Variants in DNAJC5 observed in about 807,000 individuals in gnomAD.
DNAJC5 encodes DnaJ heat shock protein family (Hsp40) member C5, also known as dnaJ homolog subfamily C member 5.
DNAJC5 carries 1 observed loss-of-function variant against 23.2 expected under a neutral mutation model. That is an observed-to-expected ratio of 0.04 (90% CI 0.02 to 0.20). DNAJC5 has a LOEUF of 0.20. Among genes scored for constraint, DNAJC5 ranks in the 10% least tolerant of loss-of-function variants. The probability of loss-of-function intolerance (pLI) is 1.00; values close to 1 mark genes in which losing one functional copy is unlikely to be tolerated. For synonymous variants in DNAJC5, 136 were observed against 120.0 expected (o/e 1.13, Z -0.87); for missense variants, 180 against 267.0 (o/e 0.67, Z 2.27).
rs369639703 is a variant in DNAJC5 at position 63,909,360 on chromosome 20, G to T, written c.-12+14037G>T. Among the ~76,000 whole-genome samples the T allele has an allele frequency of 2.6e-4, 40 of 152,216 alleles. 2 individuals carry two copies. In the South Asian group the frequency reaches 8.3e-3, roughly 32 times the overall value. On this transcript the variant is annotated intron_variant, in intron 1 of 4. Coordinates refer to ENST00000360864, the MANE Select transcript of DNAJC5 (RefSeq NM_025219.3). Reference sequence around the variant, plus strand: ...AAAAATAAAAAAAAAAAAATTAGCCGGGCGTGGTGGCGGGCGCCTGTAGTC... The same window carrying T: ...AAAAATAAAAAAAAAAAAATTAGCCTGGCGTGGTGGCGGGCGCCTGTAGTC...
At chr20:63,907,088 CTAAAA>C (rs915505091) in intron 1 of DNAJC5, among the ~76,000 whole-genome samples, 116 of 152,084 alleles carry the variant, frequency 7.6e-4, no homozygotes, top group African/African-American at 2.6e-3. Context: ...GACTCTGTCT[CTAAAA>C]TAAAATAAAA....
Position 63,926,914 on chromosome 20 carries a change from GTATT to G in DNAJC5, c.-11-1416_-11-1413del, listed in dbSNP as rs141867226. 7.5e-3 allele frequency among the ~76,000 whole-genome samples: 1,143 copies of G among 152,326 alleles called. 51 individuals are homozygous for G. In the East Asian group the frequency reaches 0.11, roughly 15 times the overall value. The stretch of plus-strand genomic sequence containing the variant: ...CATGAAATTAACCGTCATGTACACT[GTATT>G]TATTATTCAATTCAAAACATTTTCT... On this transcript the variant is annotated intron_variant, in intron 1 of 4. Coordinates refer to ENST00000360864, the MANE Select transcript of DNAJC5 (RefSeq NM_025219.3).
chr20:63,909,724 A>G (rs2053470622), intron 1 of DNAJC5, among the ~76,000 whole-genome samples: 1 of 152,196 alleles, frequency 6.6e-6, no homozygotes, highest in African/African-American at 2.4e-5. Flanking sequence ...GTGAGAGTAG[A>G]TTTCTACTGA....
At chr20:63,899,880 C>A (rs1265634134) in intron 1 of DNAJC5, among the ~76,000 whole-genome samples, 1 of 114,808 alleles carries the variant, frequency 8.7e-6, no homozygotes, top group African/African-American at 3.2e-5. Context: ...TGCGCCTGGG[C>A]TTTTTTTTTT....
chr20:63,897,192 C>T (rs761631800), intron 1 of DNAJC5, among the ~76,000 whole-genome samples: 3 of 151,970 alleles, frequency 2.0e-5, no homozygotes, highest in Non-Finnish European at 4.4e-5. Context: ...GTCAGGAGTT[C>T]GAGACTAGCC....
In DNAJC5 at chr20:63,933,728, G is replaced by C. The variant is rs531764324; in HGVS notation, c.*2160G>C. 2.6e-5 allele frequency: 4 copies of C among 152,336 alleles called. No individual in the cohort carries two copies. Among genetic ancestry groups the C allele is most frequent in the Non-Finnish European group, 5.9e-5 (4 of 68,046 alleles). The allele number at this position is 152,336 out of a possible 1,614,324, so 9.4% of individuals were successfully genotyped here. The stretch of plus-strand genomic sequence containing the variant: ...ACGTGAGTTATTTTTCCGCAGACTG[G>C]CCAAGAGCCAGGTTCTAAGCTTGGA... On this transcript the variant is annotated 3_prime_UTR_variant, in exon 5 of 5. Transcript: ENST00000360864.
At chr20:63,914,986 G>A (rs138452547) in intron 1 of DNAJC5, among the ~76,000 whole-genome samples, 105 of 152,276 alleles carry the variant, frequency 6.9e-4, no homozygotes, top group African/African-American at 1.9e-3. Context: ...AATAAAGAAC[G>A]CTCAAAATGG....
Position 63,931,502 on chromosome 20 carries a change from C to A in DNAJC5, c.531C>A (p.Ser177=), listed in dbSNP as rs376694698. Residue 177 remains serine, a synonymous_variant, in exon 5 of 5, where the codon TCC becomes TCA. Coordinates refer to ENST00000360864, the MANE Select transcript of DNAJC5 (RefSeq NM_025219.3). The surrounding 1 kb of genome is among the most constrained non-coding windows in gnomAD (Gnocchi z 9.6). ...TDTPIVIQPA[S]ATETTQLTAD... ...CGCCGATCGTCATACAGCCGGCATC[C>A]GCCACCGAGACCACCCAGCTCACAG... 1 of 1,579,864 alleles carries A rather than the reference C, an allele frequency of 6.3e-7. No individual in the cohort carries two copies. The highest frequency in any genetic ancestry group is 8.6e-7 in the Non-Finnish European group (1 of 1,168,336).
At chr20:63,927,007 GA>G (rs1263628386) in intron 1 of DNAJC5, among the ~76,000 whole-genome samples, 1 of 152,242 alleles carries the variant, frequency 6.6e-6, no homozygotes, top group African/African-American at 2.4e-5. Context: ...TGAATATCAA[GA>G]GTATCTTCCT....
rs2053555913 is a variant in DNAJC5, at chr20:63,920,167, C to T, written c.-11-8168C>T. On this transcript the variant is annotated intron_variant, in intron 1 of 4. Coordinates refer to ENST00000360864, the MANE Select transcript of DNAJC5 (RefSeq NM_025219.3). The surrounding 1 kb of genome is among the most constrained non-coding windows in gnomAD (Gnocchi z 4.6). ...GGACAGCGCCACGGAAGAGGACGCA[C>T]CCGGCTGTGTGGCAGGGGAGGTTCC... Among the ~76,000 whole-genome samples the T allele has an allele frequency of 6.6e-6, 1 of 152,192 alleles. No individual in the cohort carries two copies.
chr20:63,918,707 G>A lies in DNAJC5; in HGVS notation c.-11-9628G>A, dbSNP rs149003267. Among the ~76,000 whole-genome samples, 961 of 152,184 alleles carry A rather than the reference G, an allele frequency of 6.3e-3. 13 individuals carry two copies. The highest frequency in any genetic ancestry group is 0.022 in the African/African-American group (910 of 41,514). ...ACCTCCCAGGTTTACACCATTCTCCGCCTCAGCCTCCCGAGTAGCTGGGAC... is the reference window on the plus strand; with the variant it reads ...ACCTCCCAGGTTTACACCATTCTCCACCTCAGCCTCCCGAGTAGCTGGGAC... On this transcript the variant is annotated intron_variant, in intron 1 of 4. Coordinates refer to ENST00000360864, the MANE Select transcript of DNAJC5 (RefSeq NM_025219.3).
intron 1 of DNAJC5, among the ~76,000 whole-genome samples, chr20:63,919,051 C>G (rs552435363): frequency 9.8e-5 from 15 of 152,334 alleles, no homozygotes; most frequent in African/African-American, 3.6e-4. Context: ...AGCAGCAGCT[C>G]TTTTATAAAA....
chr20:63,924,183 C>T (rs535412310), intron 1 of DNAJC5, among the ~76,000 whole-genome samples: 84 of 134,102 alleles, frequency 6.3e-4, no homozygotes, highest in Non-Finnish European at 1.1e-3. Context: ...TTTCCTTATA[C>T]ATTTAAAAAA....
At chr20:63,924,325 TTCTTA>T (rs1465528848) in intron 1 of DNAJC5, among the ~76,000 whole-genome samples, 10 of 152,332 alleles carry the variant, frequency 6.6e-5, no homozygotes, top group South Asian at 6.2e-4. Context: ...AGGAATCTTT[TTCTTA>T]TCTTTAGTAT....
At position 63,934,826 on chromosome 20, in the gene DNAJC5, G is replaced by A. The variant is rs1568993296; in HGVS notation, c.*3258G>A. ...AGAGGCCCTGGAGCCTCACGCCGTC[G>A]AGGCTGCTCTCAGGCGTTCTGTTCC... is the stretch of plus-strand genomic sequence containing the variant. On this transcript the variant is annotated 3_prime_UTR_variant, in exon 5 of 5. Transcript: ENST00000360864. 6.6e-6 allele frequency: 1 copy of A among 152,208 alleles called. No homozygotes were observed. Among genetic ancestry groups the A allele is most frequent in the Admixed American group, 6.5e-5 (1 of 15,284 alleles). The allele number at this position is 152,208 out of a possible 1,614,324, so 9.4% of individuals were successfully genotyped here.
Position 63,931,797 on chromosome 20 carries a change from A to G in DNAJC5, c.*229A>G, listed in dbSNP as rs2053674818. On this transcript the variant is annotated 3_prime_UTR_variant, in exon 5 of 5. Transcript: ENST00000360864. This position sits in a 1 kb window ranked among gnomAD's most constrained non-coding sequence, Gnocchi z 9.6. ...GTCTTCTGTTTTTTTCCCTTTTTTA[A>G]TAGCATGTATGGGGTTCTGTTCCAT... The G allele has an allele frequency of 1.7e-6, 1 of 588,974 alleles. No individual in the cohort carries two copies. The highest frequency in any genetic ancestry group is 2.7e-5 in the Admixed American group (1 of 37,128). The allele number at this position is 588,974 out of a possible 1,614,324, so 36.5% of individuals were successfully genotyped here.
At chr20:63,898,477 G>C (rs995551308) in intron 1 of DNAJC5, among the ~76,000 whole-genome samples, 47 of 152,278 alleles carry the variant, frequency 3.1e-4, no homozygotes, top group African/African-American at 1.1e-3. Context: ...AATGGAACAT[G>C]GTGGCTAGCC....
At chr20:63,927,022 G>A (rs1195046433) in intron 1 of DNAJC5, among the ~76,000 whole-genome samples, 1 of 152,208 alleles carries the variant, frequency 6.6e-6, no homozygotes, top group Admixed American at 6.5e-5. Flanking sequence ...TCTTCCTCCT[G>A]GGTTTCCAGT....
At position 63,931,635 on chromosome 20, in the gene DNAJC5, TGTA is replaced by T; in HGVS notation, c.*70_*72del. 1 of 1,456,348 alleles carries T rather than the reference TGTA, an allele frequency of 6.9e-7. No homozygotes were observed. Among genetic ancestry groups the T allele is most frequent in the Non-Finnish European group, 9.3e-7 (1 of 1,073,370 alleles). The allele number at this position is 1,456,348 out of a possible 1,614,324, so 90.2% of individuals were successfully genotyped here. A position where few individuals can be genotyped will look rare whatever the true frequency, so the allele number is the denominator to read the frequency against. On this transcript the variant is annotated 3_prime_UTR_variant, in exon 5 of 5. Coordinates refer to ENST00000360864, the MANE Select transcript of DNAJC5 (RefSeq NM_025219.3). The surrounding 1 kb of genome is among the most constrained non-coding windows in gnomAD (Gnocchi z 9.6). ...CCACGCCAACCTTAGAATCATGAAC[TGTA>T]GTCACAGAGATGGGAAGGCAGCCTC...
Sources: gnomAD v4.1 joint callset for allele counts (sites outside exome capture counted in the v4.1 genomes callset) on GRCh38, gnomAD v4.1.1 for gene constraint, Gnocchi (gnomAD v3.1) non-coding constraint, MANE v1.5 for transcripts, NCBI Gene and HGNC (gene_info 2026-07-23, HGNC 2026-07-21) for gene names.